The following ZNF808 variants were observed in gnomAD, a reference collection of about 807,000 sequenced individuals.
ZNF808 encodes the protein zinc finger protein 808.
A neutral mutation model predicts 8.7 loss-of-function variants in ZNF808; 5 were observed. That is an observed-to-expected ratio of 0.58 (90% confidence interval 0.30 to 1.21). The LOEUF is 1.21. ZNF808 is among the 50% of genes most tolerant of loss of function. The pLI, the probability that ZNF808 is intolerant of heterozygous loss-of-function variation, is 0.07. For missense variants in ZNF808, 1,103 were observed against 1,098.4 expected (o/e 1.00, Z -0.06); for synonymous variants, 380 against 366.0 (o/e 1.04, Z -0.44).
At chr19:52,534,251 A>G (rs2059585655) in intron 2 of ZNF808, among the ~76,000 whole-genome samples, 1 of 152,154 alleles carries the variant, frequency 6.6e-6, no homozygotes, top group Non-Finnish European at 1.5e-5. Context: ...CTCCCTCGGG[A>G]TGAAGCTTGT....
chr19:52,540,197 A>G (rs554594443), intron 2 of ZNF808, among the ~76,000 whole-genome samples: 44 of 152,114 alleles, frequency 2.9e-4, no homozygotes, highest in South Asian at 8.3e-4. Context: ...TTTTTAGTAG[A>G]GACATAGTTT....
Position 52,554,999 on chromosome 19 carries a change from G to A in ZNF808, c.2083G>A (p.Ala695Thr), listed in dbSNP as rs758666703. The change falls in exon 5 of 5, where the codon GCA becomes ACA. Residue 695 changes from alanine to threonine, a missense_variant. Ala to Thr is a moderately conservative substitution (Grantham distance 58). Coordinates refer to ENST00000359798, the MANE Select transcript of ZNF808 (RefSeq NM_001039886.4). ...GGCTTTCGTGTGTCGTTCCTATGTG[G>A]CAAAACATACTAGAATTCACAGTGG... ...DKAFVCRSYV[A>T]KHTRIHSGMK... The A allele has an allele frequency of 6.2e-7, 1 of 1,613,998 alleles. No individual in the cohort carries two copies. The highest frequency in any genetic ancestry group is 8.5e-7 in the Non-Finnish European group (1 of 1,180,010).
In ZNF808 at chr19:52,533,376, G is replaced by T. The variant is rs528925741; in HGVS notation, c.-20+367G>T. Among the ~76,000 whole-genome samples, 46 of 151,958 alleles carry T rather than the reference G, an allele frequency of 3.0e-4. 2 individuals are homozygous for T. The South Asian group carries it at 8.1e-3, about 27-fold the overall frequency. ...AGAGTAGCTGGGACTACAGGCACCC[G>T]CTATAATGCCTGGCTAATTTTTATA... On this transcript the variant is annotated intron_variant, in intron 2 of 4. Transcript: ENST00000359798.
At chr19:52,544,429 C>T (rs2059701927) in intron 3 of ZNF808, among the ~76,000 whole-genome samples, 1 of 152,102 alleles carries the variant, frequency 6.6e-6, no homozygotes, top group Non-Finnish European at 1.5e-5. Flanking sequence ...CTCCCAGTTT[C>T]AAGCAATTCT....
chr19:52,539,580 G>GT (rs35701355), intron 2 of ZNF808, among the ~76,000 whole-genome samples: 5 of 96,526 alleles, frequency 5.2e-5, no homozygotes, highest in Non-Finnish European at 9.5e-5. Flanking sequence ...TTTTGACGGA[G>GT]TTTTGGTCTT....
chr19:52,553,289 C>T lies in ZNF808; in HGVS notation c.373C>T (p.His125Tyr). The T allele has an allele frequency of 1.2e-6, 2 of 1,613,676 alleles. No individual in the cohort carries two copies. Among genetic ancestry groups the T allele is most frequent in the Non-Finnish European group, 1.7e-6 (2 of 1,179,882 alleles). The change falls in exon 5 of 5, where the codon CAT (histidine) becomes TAT (tyrosine). Residue 125 changes from histidine (H) to tyrosine (Y), a missense_variant. Transcript: ENST00000359798. Reference sequence around the variant, plus strand: ...GTGTCAAGAAGATGAAAGAAATGGCCATGAAGCACCCACGACAAAAATAAA... The same window carrying T: ...GTGTCAAGAAGATGAAAGAAATGGCTATGAAGCACCCACGACAAAAATAAA... ...FQCQEDERNG[H>Y]EAPTTKIKKL...
downstream of ZNF808, among the ~76,000 whole-genome samples, chr19:52,558,210 G>A (rs570088219): frequency 6.4e-5 from 9 of 141,400 alleles, no homozygotes; most frequent in Admixed American, 2.9e-4. Context: ...CTCAGCCTCC[G>A]GAGTAGCTGG....
At chr19:52,556,382 A>G (rs2059836057), downstream of ZNF808, 1 of 158,748 alleles carries the variant, frequency 6.3e-6, no homozygotes, top group Admixed American at 6.2e-5. Flanking sequence ...CCTAGAGTGC[A>G]ATGATGTGAT....
At chr19:52,558,621 CG>C (rs1469948017), downstream of ZNF808, among the ~76,000 whole-genome samples, 1 of 152,088 alleles carries the variant, frequency 6.6e-6, no homozygotes, top group African/African-American at 2.4e-5. Flanking sequence ...CCGCCCGCCT[CG>C]GCCTCCCAAA....
intron 1 of ZNF808, chr19:52,527,948 C>T (rs760655512): frequency 4.6e-5 from 7 of 152,358 alleles, no homozygotes; most frequent in Non-Finnish European, 1.0e-4. Context: ...CTTTCTATTG[C>T]GTAGTTTTTC....
rs564890830 is a variant in ZNF808, at chr19:52,555,093, G to A, written c.2177G>A (p.Arg726His). ...FSNRSSLVCHRRIHSGEKPYK... is the reference protein window; with the variant it reads ...FSNRSSLVCHHRIHSGEKPYK... ...AACAGGTCATCCCTTGTATGCCATC[G>A]TAGAATTCATAGTGGTGAGAAACCT... is the stretch of plus-strand genomic sequence containing the variant. The change falls in exon 5 of 5, where the codon CGT becomes CAT. Residue 726 changes from arginine to histidine, a missense_variant. Coordinates refer to ENST00000359798, the MANE Select transcript of ZNF808 (RefSeq NM_001039886.4). 1.1e-5 allele frequency: 17 copies of A among 1,614,030 alleles called. No individual in the cohort carries two copies. Among genetic ancestry groups the A allele is most frequent in the Middle Eastern group, 1.6e-4 (1 of 6,062 alleles).
intron 2 of ZNF808, among the ~76,000 whole-genome samples, chr19:52,535,330 CAAAAAAA>C (rs560559835): frequency 0.15 from 10,327 of 70,258 alleles, 525 homozygotes; most frequent in Middle Eastern, 0.21. Context: ...GACTCCGTCT[CAAAAAAA>C]AAAAAAAAAA....
intron 1 of ZNF808, among the ~76,000 whole-genome samples, chr19:52,528,624 T>C (rs1226997586): frequency 5.3e-5 from 8 of 151,636 alleles, no homozygotes; most frequent in Admixed American, 4.6e-4. Context: ...AGAGGGAGGC[T>C]CATCAGAGTG....
rs1328416606 is a variant in ZNF808 at position 52,547,674 on chromosome 19, C to T, written c.190+36C>T. On this transcript the variant is annotated intron_variant, in intron 4 of 4. Coordinates refer to ENST00000359798, the MANE Select transcript of ZNF808 (RefSeq NM_001039886.4). ...TGTCCCTGCAGACATGAGGAGTCTG[C>T]TCCTGTCTATCTTGGCTCTTCCTGG... The T allele has an allele frequency of 4.3e-6, 7 of 1,609,400 alleles. No individual in the cohort carries two copies. The South Asian group carries it at 4.4e-5, about 10-fold the overall frequency.
At position 52,555,805 on chromosome 19, in the gene ZNF808, T is replaced by C. The variant is rs547942710; in HGVS notation, c.*177T>C. On this transcript the variant is annotated 3_prime_UTR_variant, in exon 5 of 5. Coordinates refer to ENST00000359798, the MANE Select transcript of ZNF808 (RefSeq NM_001039886.4). The stretch of plus-strand genomic sequence containing the variant: ...GAGAGAAACCTTACAAATGTCATGA[T>C]TGAGGCAAGGTCTTCAGTCAAGCTT... The C allele has an allele frequency of 2.1e-4, 204 of 984,158 alleles. No individual in the cohort carries two copies. Among genetic ancestry groups the C allele is most frequent in the African/African-American group, 1.3e-3 (80 of 62,442 alleles). 61.0% of individuals were successfully genotyped at this position (984,158 alleles called of 1,614,324 possible).
At chr19:52,531,201 C>G (rs184957006) in intron 1 of ZNF808, among the ~76,000 whole-genome samples, 4 of 152,090 alleles carry the variant, frequency 2.6e-5, no homozygotes, top group Admixed American at 1.3e-4. Flanking sequence ...TGGCCATGTT[C>G]GGTGGCTCAC....
intron 2 of ZNF808, among the ~76,000 whole-genome samples, chr19:52,534,659 G>A (rs1271970586): frequency 1.6e-5 from 2 of 125,340 alleles, no homozygotes; most frequent in African/African-American, 3.6e-5. Flanking sequence ...GGAGGCCGAG[G>A]CTGGCGGATC....
chr19:52,529,227 A>G (rs2059538959), intron 1 of ZNF808, among the ~76,000 whole-genome samples: 1 of 151,842 alleles, frequency 6.6e-6, no homozygotes, highest in African/African-American at 2.4e-5. Context: ...AAAAAAAAAA[A>G]AGGAAATAAC....
Position 52,555,426 on chromosome 19 carries a change from A to G in ZNF808, c.2510A>G (p.His837Arg), listed in dbSNP as rs779421165. Residue 837 changes from histidine to arginine, a missense_variant, in exon 5 of 5, where the codon CAT becomes CGT. Physicochemically the swap from His to Arg is conservative, Grantham distance 29 (BLOSUM62 0). Transcript: ENST00000359798. ...AFNEQSHLSR[H>R]HRIHTGEKPY... ...AATGAACAATCACACCTTTCACGTC[A>G]TCATAGAATTCATACTGGAGAGAAA... 4 of 1,614,156 alleles carry G rather than the reference A, an allele frequency of 2.5e-6. No homozygotes were observed. The African/African-American group carries it at 4.0e-5, about 16-fold the overall frequency.
Sources: allele counts gnomAD v4.1 joint callset (sites outside exome capture counted in the v4.1 genomes callset), GRCh38; gene constraint gnomAD v4.1.1; transcripts MANE v1.5; gene names NCBI Gene and HGNC (gene_info 2026-07-23, HGNC 2026-07-21).